COL26A1: variants seen among roughly 807,000 people sequenced by gnomAD.
COL26A1 encodes collagen type XXVI alpha 1 chain.
COL26A1 carries 41 observed loss-of-function variants against 59.3 expected under a neutral mutation model. The observed-to-expected ratio is 0.69, with a 90% CI of 0.54 to 0.90. The LOEUF is 0.90. Among genes scored for constraint, COL26A1 ranks in the 40% least tolerant of loss-of-function variants. COL26A1 has a pLI of 0.00. For synonymous variants in COL26A1, 266 were observed against 256.0 expected (o/e 1.04, Z -0.37); for missense variants, 612 against 602.3 (o/e 1.02, Z -0.17).
chr7:101,553,607 A>G (rs1312220169), intron 11 of COL26A1, among the ~76,000 whole-genome samples: 2 of 152,034 alleles, frequency 1.3e-5, no homozygotes. Flanking sequence ...GGGATGCCAC[A>G]GAGGGGGTGA....
intron 1 of COL26A1, among the ~76,000 whole-genome samples, chr7:101,410,876 A>G (rs1792227127): frequency 6.6e-6 from 1 of 151,804 alleles, no homozygotes; most frequent in African/African-American, 2.4e-5. Context: ...TTTTTTTTCT[A>G]ATTTTTTTTT....
chr7:101,494,160 GTC>G (rs970563293), intron 3 of COL26A1, among the ~76,000 whole-genome samples: 7 of 122,000 alleles, frequency 5.7e-5, no homozygotes, highest in African/African-American at 2.1e-4. Flanking sequence ...TTGAGACAGA[GTC>G]TCTCTGTTGC....
chr7:101,420,179 G>C lies in COL26A1; in HGVS notation c.281+80G>C. ...AACCAGTCCCAGGATGGCTCTGGGA[G>C]AGGCTGGGCTGTGCTCACAGACAAA... On this transcript the variant is annotated intron_variant, in intron 2 of 12. Coordinates refer to ENST00000313669, the MANE Select transcript of COL26A1 (RefSeq NM_001278563.3). 2.6e-6 allele frequency: 4 copies of C among 1,546,460 alleles called. No homozygotes were observed. The South Asian group carries it at 4.5e-5, about 17-fold the overall frequency.
At chr7:101,507,443 A>G (rs1794835139) in intron 3 of COL26A1, among the ~76,000 whole-genome samples, 1 of 150,880 alleles carries the variant, frequency 6.6e-6, no homozygotes, top group Non-Finnish European at 1.5e-5. Context: ...GGAGCAGGAG[A>G]CAGAATCTTA....
At chr7:101,415,959 G>A (rs1584388329) in intron 1 of COL26A1, among the ~76,000 whole-genome samples, 3 of 107,270 alleles carry the variant, frequency 2.8e-5, no homozygotes, top group African/African-American at 8.4e-5. Flanking sequence ...GAGTGTGCTA[G>A]TACTGGTAAT....
intron 3 of COL26A1, among the ~76,000 whole-genome samples, chr7:101,511,046 G>T (rs1384256167): frequency 6.6e-6 from 1 of 151,748 alleles, no homozygotes; most frequent in Admixed American, 6.6e-5. Context: ...GACTACAGGC[G>T]CCCACCACCA....
At chr7:101,376,046 A>C (rs1791309236) in intron 1 of COL26A1, among the ~76,000 whole-genome samples, 1 of 150,910 alleles carries the variant, frequency 6.6e-6, no homozygotes, top group Non-Finnish European at 1.5e-5. Flanking sequence ...TTGTAGTCCC[A>C]GCTACTTGGG....
intron 3 of COL26A1, among the ~76,000 whole-genome samples, chr7:101,502,605 T>C (rs936638483): frequency 6.6e-6 from 1 of 150,924 alleles, no homozygotes; most frequent in African/African-American, 2.5e-5. Flanking sequence ...GGGGCCGGAG[T>C]TGGGCTGGAG....
At chr7:101,534,927 T>C (rs552674451) in intron 4 of COL26A1, among the ~76,000 whole-genome samples, 18 of 152,144 alleles carry the variant, frequency 1.2e-4, no homozygotes, top group Non-Finnish European at 2.2e-4. Flanking sequence ...TTGGAAATGG[T>C]CTAATGCTGA....
At chr7:101,469,355 G>C (rs577862623) in intron 3 of COL26A1, among the ~76,000 whole-genome samples, 5 of 152,286 alleles carry the variant, frequency 3.3e-5, no homozygotes, top group Non-Finnish European at 2.9e-5. Flanking sequence ...ATTCCATTCA[G>C]ACACTACTGG....
intron 3 of COL26A1, among the ~76,000 whole-genome samples, chr7:101,452,497 G>A (rs1793367133): frequency 6.6e-6 from 1 of 152,140 alleles, no homozygotes; most frequent in Non-Finnish European, 1.5e-5. Context: ...GTCATGCGTG[G>A]CTTAATGATG....
intron 4 of COL26A1, among the ~76,000 whole-genome samples, chr7:101,533,805 G>A (rs1173183345): frequency 6.6e-6 from 1 of 152,162 alleles, no homozygotes; most frequent in East Asian, 1.9e-4. Context: ...ACCTTAGGGC[G>A]ATGAAGCCAG....
intron 1 of COL26A1, among the ~76,000 whole-genome samples, chr7:101,400,351 C>CTTTTTTTTTTTTTT (rs1387032420): frequency 3.2e-5 from 4 of 123,348 alleles, no homozygotes; most frequent in Non-Finnish European, 3.4e-5. Context: ...CTTTTTTTTC[C>CTTTTTTTTTTTTTT]TATTTTTTTT....
chr7:101,555,444 G>T (rs574251762), intron 11 of COL26A1, among the ~76,000 whole-genome samples: 19 of 152,178 alleles, frequency 1.2e-4, no homozygotes, highest in African/African-American at 4.3e-4. Flanking sequence ...CAGGACATGT[G>T]GGGGAAGCTG....
chr7:101,426,983 C>G (rs565967617), intron 2 of COL26A1, among the ~76,000 whole-genome samples: 78 of 152,328 alleles, frequency 5.1e-4, no homozygotes, highest in African/African-American at 1.8e-3. Context: ...GTGTGTCTTG[C>G]TACATTTCAC....
chr7:101,424,082 G>A (rs1043084372), intron 2 of COL26A1, among the ~76,000 whole-genome samples: 8 of 151,618 alleles, frequency 5.3e-5, no homozygotes, highest in African/African-American at 9.7e-5. Context: ...GTTGTGGTGC[G>A]CACCTGTACT....
intron 3 of COL26A1, among the ~76,000 whole-genome samples, chr7:101,479,044 A>AT (rs1391989927): frequency 6.6e-6 from 1 of 152,224 alleles, no homozygotes; most frequent in Non-Finnish European, 1.5e-5. Flanking sequence ...GCTTTTTCAC[A>AT]ATTACAAACA....
rs531148169 is a variant in COL26A1, at chr7:101,394,342, G to A, written c.159-25635G>A. Among the ~76,000 whole-genome samples the A allele has an allele frequency of 3.5e-4, 54 of 152,200 alleles. No homozygotes were observed. The South Asian group carries it at 9.1e-3, about 26-fold the overall frequency. On this transcript the variant is annotated intron_variant, in intron 1 of 12. Transcript: ENST00000313669. ...ACCTTGGACGTCTCATTTCTAGAAT[G>A]ATAAGATTATAAACGTGTGCTGTTT... is the stretch of plus-strand genomic sequence containing the variant.
intron 3 of COL26A1, among the ~76,000 whole-genome samples, chr7:101,499,533 A>C (rs144715139): frequency 0.048 from 7,358 of 151,952 alleles, 613 homozygotes; most frequent in African/African-American, 0.17. Context: ...AAAATACAAA[A>C]ATTGGCTGGG....
Sources: gnomAD v4.1 joint callset for allele counts (sites outside exome capture counted in the v4.1 genomes callset) on GRCh38, gnomAD v4.1.1 for gene constraint, MANE v1.5 for transcripts, NCBI Gene and HGNC (gene_info 2026-07-23, HGNC 2026-07-21) for gene names.